ZNF438: variants seen among roughly 807,000 people sequenced by gnomAD.
The protein encoded by ZNF438 is zinc finger protein 438.
ZNF438 carries 25 observed loss-of-function variants against 38.0 expected under a neutral mutation model. The ratio of observed to expected loss-of-function variants is 0.66; its 90% CI spans 0.48 to 0.92. The LOEUF (loss-of-function observed/expected upper bound fraction) is 0.92, where lower values mean the gene tolerates loss of function less well. Ranked by LOEUF, ZNF438 falls within the 40% of genes least tolerant of loss-of-function variation. ZNF438 has a pLI of 0.00. For synonymous variants in ZNF438, 372 were observed against 364.1 expected (o/e 1.02, Z -0.25); for missense variants, 1,007 against 999.6 (o/e 1.01, Z -0.10).
chr10:30,879,226 T>A (rs908377222), intron 3 of ZNF438, among the ~76,000 whole-genome samples: 2 of 152,136 alleles, frequency 1.3e-5, no homozygotes, highest in African/African-American at 4.8e-5. Context: ...AAAAAACTCA[T>A]AATCCACAAA....
At chr10:30,904,440 ACTGT>A (rs2042372464) in intron 3 of ZNF438, among the ~76,000 whole-genome samples, 1 of 152,080 alleles carries the variant, frequency 6.6e-6, no homozygotes, top group African/African-American at 2.4e-5. Context: ...TCCACTGCCA[ACTGT>A]CTGGTGCAAG....
intron 1 of ZNF438, among the ~76,000 whole-genome samples, chr10:30,950,619 C>T (rs1276642688): frequency 6.6e-6 from 1 of 150,416 alleles, no homozygotes; most frequent in South Asian, 2.1e-4. Context: ...ACTACAAACA[C>T]CTCTATGCAA....
At chr10:30,861,546 T>G (rs898920249) in intron 4 of ZNF438, among the ~76,000 whole-genome samples, 5 of 152,220 alleles carry the variant, frequency 3.3e-5, no homozygotes, top group Admixed American at 2.0e-4. Context: ...TAAACTGAAG[T>G]AACTAATTAT....
At chr10:30,965,659 GA>G (rs1326199633) in intron 1 of ZNF438, among the ~76,000 whole-genome samples, 1 of 152,182 alleles carries the variant, frequency 6.6e-6, no homozygotes, top group Non-Finnish European at 1.5e-5. Context: ...CTTAGGAACA[GA>G]AAATTAAGTA....
intron 2 of ZNF438, among the ~76,000 whole-genome samples, chr10:30,937,528 A>G (rs1257378599): frequency 3.3e-5 from 5 of 152,212 alleles, no homozygotes; most frequent in Admixed American, 2.0e-4. Flanking sequence ...TTCACTTACT[A>G]TTATGAGTTA....
At chr10:30,950,377 A>T (rs2048022747) in intron 1 of ZNF438, among the ~76,000 whole-genome samples, 1 of 148,534 alleles carries the variant, frequency 6.7e-6, no homozygotes, top group Middle Eastern at 3.3e-3. Flanking sequence ...AAGCTAGCAG[A>T]AGGCAAGAAA....
intron 4 of ZNF438, among the ~76,000 whole-genome samples, chr10:30,852,460 G>C (rs1445320147): frequency 6.6e-6 from 1 of 151,940 alleles, no homozygotes; most frequent in African/African-American, 2.4e-5. Context: ...TGCCCGCCTC[G>C]GCCTCCCAAA....
intron 3 of ZNF438, among the ~76,000 whole-genome samples, chr10:30,879,872 G>A (rs2038972873): frequency 6.6e-6 from 1 of 152,098 alleles, no homozygotes; most frequent in Non-Finnish European, 1.5e-5. Flanking sequence ...AGTATTTGAA[G>A]AGGGGAGAGA....
At chr10:30,876,500 G>T (rs1479369752) in intron 4 of ZNF438, among the ~76,000 whole-genome samples, 5 of 152,114 alleles carry the variant, frequency 3.3e-5, no homozygotes, top group Non-Finnish European at 7.4e-5. Context: ...TTTATACATT[G>T]CAAAAAGTAA....
chr10:31,012,545 C>A (rs1271952125), intron 1 of ZNF438, among the ~76,000 whole-genome samples: 4 of 152,104 alleles, frequency 2.6e-5, no homozygotes, highest in Non-Finnish European at 4.4e-5. Context: ...TCTACAAGGG[C>A]AGATTTTGTT....
chr10:30,951,535 A>G (rs1369793516), intron 1 of ZNF438, among the ~76,000 whole-genome samples: 1 of 152,280 alleles, frequency 6.6e-6, no homozygotes, highest in Non-Finnish European at 1.5e-5. Context: ...TAAGCTGATA[A>G]GCAACTTCAG....
At chr10:30,878,793 C>A (rs1046835621) in intron 3 of ZNF438, among the ~76,000 whole-genome samples, 4 of 152,146 alleles carry the variant, frequency 2.6e-5, no homozygotes, top group African/African-American at 9.7e-5. Context: ...CTGCCGGCAC[C>A]CAAAGCAGCC....
intron 2 of ZNF438, among the ~76,000 whole-genome samples, chr10:30,915,041 T>C (rs970821884): frequency 4.6e-5 from 7 of 152,062 alleles, no homozygotes; most frequent in Admixed American, 2.6e-4. Context: ...ACAATTCTAA[T>C]AGGCTTACTG....
At chr10:30,861,105 T>G (rs2133148252) in intron 4 of ZNF438, among the ~76,000 whole-genome samples, 1 of 152,276 alleles carries the variant, frequency 6.6e-6, no homozygotes, top group African/African-American at 2.4e-5. Context: ...GGGGGATTGG[T>G]TCCTCCACAG....
chr10:30,874,155 TA>T (rs2038038206), intron 4 of ZNF438, among the ~76,000 whole-genome samples: 2 of 100,072 alleles, frequency 2.0e-5, no homozygotes, highest in Non-Finnish European at 3.8e-5. Flanking sequence ...TATATATATA[TA>T]TATATATTTA....
At position 30,850,371 on chromosome 10, in the gene ZNF438, CA is replaced by C. The variant is rs1043690155; in HGVS notation, c.38-5del. 6.2e-7 allele frequency: 1 copy of C among 1,607,188 alleles called. No individual in the cohort carries two copies. The highest frequency in any genetic ancestry group is 8.5e-7 in the Non-Finnish European group (1 of 1,176,548). On this transcript the variant is annotated splice_polypyrimidine_tract_variant and splice_region_variant and intron_variant, in intron 4 of 5. Coordinates refer to ENST00000413025, the Ensembl canonical transcript of ZNF438. ...CCAGAAGGGATGTTTGATTCACCTG[CA>C]ATGACAATAAAATATAAAGAGTTAC...
At chr10:30,889,813 C>T (rs2040449168) in intron 3 of ZNF438, among the ~76,000 whole-genome samples, 1 of 152,118 alleles carries the variant, frequency 6.6e-6, no homozygotes, top group African/African-American at 2.4e-5. Flanking sequence ...ACCTGGGGAA[C>T]TGAGTGGGGA....
chr10:31,006,305 T>C (rs1405835570), intron 1 of ZNF438, among the ~76,000 whole-genome samples: 1 of 152,060 alleles, frequency 6.6e-6, no homozygotes, highest in Non-Finnish European at 1.5e-5. Context: ...GTCTGAAAGT[T>C]AAGTTGATCA....
chr10:30,974,786 GA>G (rs2051150861), intron 1 of ZNF438, among the ~76,000 whole-genome samples: 2 of 152,334 alleles, frequency 1.3e-5, no homozygotes, highest in African/African-American at 4.8e-5. Flanking sequence ...TTTAAAGTTA[GA>G]AAGGATCTTT....
Sources: gnomAD v4.1 joint callset for allele counts (sites outside exome capture counted in the v4.1 genomes callset) on GRCh38, gnomAD v4.1.1 for gene constraint, MANE v1.5 for transcripts, NCBI Gene and HGNC (gene_info 2026-07-23, HGNC 2026-07-21) for gene names.